VAMP5: variants seen among roughly 807,000 people sequenced by gnomAD.
VAMP5 encodes the protein vesicle associated membrane protein 5, also known as vesicle-associated membrane protein 5.
In VAMP5, 10 loss-of-function variants were observed where a neutral mutation model predicts 8.1. The ratio of observed to expected loss-of-function variants is 1.23; its 90% CI spans 0.76 to 2.09. The LOEUF (loss-of-function observed/expected upper bound fraction) is 2.09, where lower values mean the gene tolerates loss of function less well. Ranked by LOEUF, VAMP5 falls within the 30% of genes most tolerant of loss-of-function variation. The pLI is 0.00. For synonymous variants in VAMP5, 62 were observed against 60.6 expected, an observed-to-expected ratio of 1.02 and a Z score of -0.11; for missense variants, 135 against 152.5, an observed-to-expected ratio of 0.89 and a Z score of 0.60.
At chr2:85,586,006 G>C (rs1004675087) in intron 1 of VAMP5, among the ~76,000 whole-genome samples, 1 of 152,184 alleles carries the variant, frequency 6.6e-6, no homozygotes, top group African/African-American at 2.4e-5. Flanking sequence ...ATAATTACTT[G>C]AATTCATTAA....
Position 85,593,328 on chromosome 2 carries a change from C to A in VAMP5, c.*171C>A. 1.4e-6 allele frequency: 1 copy of A among 726,998 alleles called. No individual in the cohort carries two copies. Among genetic ancestry groups the A allele is most frequent in the Non-Finnish European group, 2.3e-6 (1 of 434,614 alleles). The allele number at this position is 726,998 out of a possible 1,614,324, so 45.0% of individuals were successfully genotyped here. ...CCACAGACTGGCCCTTGAGGGCAGCCTGCTGTACTGGCCATGCTGGGCCAG... is the reference window on the plus strand; with the variant it reads ...CCACAGACTGGCCCTTGAGGGCAGCATGCTGTACTGGCCATGCTGGGCCAG... On this transcript the variant is annotated 3_prime_UTR_variant, in exon 3 of 3. Transcript: ENST00000306384.
rs761368659 is a variant in VAMP5, at chr2:85,592,942, C to T, written c.142-6C>T. The T allele has an allele frequency of 6.2e-7, 1 of 1,613,412 alleles. No homozygotes were observed. Among genetic ancestry groups the T allele is most frequent in the Admixed American group, 1.7e-5 (1 of 59,998 alleles). On this transcript the variant is annotated splice_region_variant and splice_polypyrimidine_tract_variant and intron_variant, in intron 2 of 2. Coordinates refer to ENST00000306384, the MANE Select transcript of VAMP5 (RefSeq NM_006634.3). ...ACTCCCACTTTGTGTCTGGGGGTAT[C>T]CGCAGAGCTCAACCTTCAACAAGAC...
intron 1 of VAMP5, among the ~76,000 whole-genome samples, chr2:85,586,272 A>C (rs565889633): frequency 1.3e-5 from 2 of 152,322 alleles, no homozygotes; most frequent in Admixed American, 1.3e-4. Flanking sequence ...TCTGAGCCAA[A>C]GTTTCCTATA....
chr2:85,592,530 C>T (rs1338090079), intron 2 of VAMP5, among the ~76,000 whole-genome samples: 3 of 152,024 alleles, frequency 2.0e-5, no homozygotes, highest in Admixed American at 6.6e-5. Flanking sequence ...AGGCCGGGCG[C>T]GGTGTCTCAC....
At chr2:85,590,030 A>G (rs1478577778) in intron 1 of VAMP5, among the ~76,000 whole-genome samples, 2 of 152,078 alleles carry the variant, frequency 1.3e-5, no homozygotes, top group Non-Finnish European at 2.9e-5. Context: ...CTATAGTAGT[A>G]ATAATAGTGA....
rs747119532 is a variant in VAMP5 at position 85,592,980 on chromosome 2, G to A, written c.174G>A (p.Leu58=). 2 of 1,614,110 alleles carry A rather than the reference G, an allele frequency of 1.2e-6. No individual in the cohort carries two copies. Among genetic ancestry groups the A allele is most frequent in the Non-Finnish European group, 1.7e-6 (2 of 1,180,022 alleles). Residue 58 remains leucine (L), a synonymous_variant, in exon 3 of 3, where the codon CTG becomes CTA. Transcript: ENST00000306384. ...SSTFNKTTQN[L]AQKKCWENIR... is the part of the protein sequence containing the mutation. ...CCTTCAACAAGACTACACAGAACCT[G>A]GCCCAGAAGAAGTGCTGGGAGAACA...
intron 1 of VAMP5, among the ~76,000 whole-genome samples, chr2:85,584,951 C>G (rs13387999): frequency 6.6e-6 from 1 of 152,134 alleles, no homozygotes; most frequent in Non-Finnish European, 1.5e-5. Flanking sequence ...TCAGAACCCA[C>G]TGCTAAGAAG....
rs371900324 is a variant in VAMP5, at chr2:85,591,432, A to G, written c.4-293A>G. Among the ~76,000 whole-genome samples, 6 of 152,246 alleles carry G rather than the reference A, an allele frequency of 3.9e-5. No homozygotes were observed. In the East Asian group the frequency reaches 7.7e-4, roughly 20 times the overall value. ...TTTGTGGGAGGGTGGGGTCCTGGGA[A>G]GATCCCACCTTGGGACAGCTTAGAG... On this transcript the variant is annotated intron_variant, in intron 1 of 2. Coordinates refer to ENST00000306384, the MANE Select transcript of VAMP5 (RefSeq NM_006634.3).
intron 1 of VAMP5, among the ~76,000 whole-genome samples, chr2:85,590,033 A>C (rs1034672033): frequency 1.3e-5 from 2 of 152,130 alleles, no homozygotes; most frequent in Non-Finnish European, 1.5e-5. Context: ...TAGTAGTAAT[A>C]ATAGTGATGA....
intron 2 of VAMP5, 122 bp from the exon 3 acceptor site, chr2:85,592,821 GAAAGT>G (rs1488175235): frequency 2.9e-6 from 2 of 685,334 alleles, no homozygotes; most frequent in African/African-American, 4.9e-5. Flanking sequence ...AAAAAAGAAA[GAAAGT>G]AGACAAGATG....
At chr2:85,585,443 C>T (rs2104042585) in intron 1 of VAMP5, among the ~76,000 whole-genome samples, 1 of 152,314 alleles carries the variant, frequency 6.6e-6, no homozygotes, top group East Asian at 1.9e-4. Flanking sequence ...GGCCTTATCT[C>T]CAGGGAACTT....
rs771027575 is a variant in VAMP5, at chr2:85,584,447, A to T, written c.-44A>T. 78 of 1,244,064 alleles carry T rather than the reference A, an allele frequency of 6.3e-5. No individual in the cohort carries two copies. In the South Asian group the frequency reaches 2.5e-3, roughly 41 times the overall value. 77.1% of individuals were successfully genotyped at this position (1,244,064 alleles called of 1,614,324 possible). A position where few individuals can be genotyped will look rare whatever the true frequency, so the allele number is the denominator to read the frequency against. Reference sequence around the variant, plus strand: ...GCCGCTGGCACTGCGGCCGCTCCGCAGGCAGAGAAGCCGGGAGCGGGCGAG... The same window carrying T: ...GCCGCTGGCACTGCGGCCGCTCCGCTGGCAGAGAAGCCGGGAGCGGGCGAG... On this transcript the variant is annotated 5_prime_UTR_variant, in exon 1 of 3. Coordinates refer to ENST00000306384, the MANE Select transcript of VAMP5 (RefSeq NM_006634.3).
At chr2:85,592,816 A>T in intron 2 of VAMP5, 132 bp from the exon 3 acceptor site, 10 of 810,760 alleles carry the variant, frequency 1.2e-5, no homozygotes, top group African/African-American at 1.8e-5. Context: ...AAAAAAAAAA[A>T]GAAAGAAAGT....
chr2:85,586,507 C>T (rs1672461117), intron 1 of VAMP5, among the ~76,000 whole-genome samples: 2 of 151,702 alleles, frequency 1.3e-5, no homozygotes, highest in African/African-American at 2.4e-5. Flanking sequence ...ACCTGGGAGG[C>T]GGAGGTTGCA....
Position 85,591,881 on chromosome 2 carries a change from C to A in VAMP5, c.141+19C>A. ...GGATATGGTGTGAGGCCTGGGGGAG[C>A]ATGGAGGGGAGGGGAGAGGATTGGG... On this transcript the variant is annotated intron_variant, in intron 2 of 2. Coordinates refer to ENST00000306384, the MANE Select transcript of VAMP5 (RefSeq NM_006634.3). The A allele has an allele frequency of 6.2e-7, 1 of 1,613,754 alleles. No individual in the cohort carries two copies. Among genetic ancestry groups the A allele is most frequent in the Non-Finnish European group, 8.5e-7 (1 of 1,179,836 alleles).
chr2:85,586,068 C>T (rs1183352151), intron 1 of VAMP5, among the ~76,000 whole-genome samples: 1 of 152,198 alleles, frequency 6.6e-6, no homozygotes, highest in Admixed American at 6.5e-5. Flanking sequence ...CCACAGGCCT[C>T]CCTCATATGC....
intron 1 of VAMP5, 187 bp from the exon 2 acceptor site, chr2:85,591,538 T>C: frequency 1.2e-6 from 1 of 805,438 alleles, no homozygotes; most frequent in African/African-American, 1.7e-5. Context: ...CTGTGAGACT[T>C]AAGGTGTGCC....
At chr2:85,584,658 A>T (rs1022547152) in intron 1 of VAMP5, among the ~76,000 whole-genome samples, 165 bp downstream of exon 1, 3 of 152,078 alleles carry the variant, frequency 2.0e-5, no homozygotes, top group African/African-American at 7.2e-5. Context: ...CGGACCCTCC[A>T]CTCCCTGCGC....
intron 1 of VAMP5, among the ~76,000 whole-genome samples, chr2:85,584,781 G>A (rs1672440334): frequency 6.6e-6 from 1 of 152,264 alleles, no homozygotes; most frequent in African/African-American, 2.4e-5. Context: ...CGACTTTGGA[G>A]TCGGACTCCG....
Sources: allele counts gnomAD v4.1 joint callset (sites outside exome capture counted in the v4.1 genomes callset), GRCh38; gene constraint gnomAD v4.1.1; transcripts MANE v1.5; gene names NCBI Gene and HGNC (gene_info 2026-07-23, HGNC 2026-07-21).